The following PGPEP1L variants were observed in gnomAD, a reference collection of about 807,000 sequenced individuals.
PGPEP1L encodes the protein pyroglutamyl-peptidase I like.
Under a neutral mutation model 6.0 loss-of-function variants are expected in PGPEP1L, and 7 were observed. The ratio of observed to expected loss-of-function variants is 1.17; its 90% confidence interval spans 0.66 to 2.19. The LOEUF (loss-of-function observed/expected upper bound fraction) is 2.19, where lower values mean the gene tolerates loss of function less well. PGPEP1L is among the 30% of genes most tolerant of loss of function. PGPEP1L has a pLI of 0.00. For synonymous variants in PGPEP1L, 103 were observed against 83.9 expected (o/e 1.23, Z -1.24); for missense variants, 209 against 192.5 (o/e 1.09, Z -0.51).
chr15:98,998,698 C>A (rs1043639573), intron 2 of PGPEP1L, among the ~76,000 whole-genome samples: 2 of 152,162 alleles, frequency 1.3e-5, no homozygotes, highest in African/African-American at 2.4e-5. Flanking sequence ...GCAGAAGTAG[C>A]CTGGCATGGT....
chr15:98,986,643 C>A (rs1198234473), intron 2 of PGPEP1L, among the ~76,000 whole-genome samples: 1 of 152,134 alleles, frequency 6.6e-6, no homozygotes, highest in Non-Finnish European at 1.5e-5. Flanking sequence ...GCCATTTGGC[C>A]AGAAGTACAG....
intron 2 of PGPEP1L, among the ~76,000 whole-genome samples, chr15:98,976,212 G>T (rs531885247): frequency 1.3e-5 from 2 of 152,180 alleles, no homozygotes; most frequent in Non-Finnish European, 2.9e-5. Flanking sequence ...GGTTAAAATG[G>T]TAAATTTAAT....
chr15:98,982,980 G>T (rs1393525039), intron 2 of PGPEP1L, among the ~76,000 whole-genome samples: 1 of 151,836 alleles, frequency 6.6e-6, no homozygotes, highest in Non-Finnish European at 1.5e-5. Flanking sequence ...CAAAGTGCTG[G>T]GATTATAGGC....
At chr15:98,988,210 CCA>C (rs2017774225) in intron 2 of PGPEP1L, among the ~76,000 whole-genome samples, 1 of 152,142 alleles carries the variant, frequency 6.6e-6, no homozygotes, top group Non-Finnish European at 1.5e-5. Flanking sequence ...GGTCCCACTC[CCA>C]CAGAGCCCAA....
chr15:98,976,065 G>C (rs1367681230), intron 2 of PGPEP1L, among the ~76,000 whole-genome samples: 2 of 152,080 alleles, frequency 1.3e-5, no homozygotes. Context: ...GACGTTGGGG[G>C]AAGGAAGAAA....
chr15:98,971,140 G>A lies in PGPEP1L; in HGVS notation c.-123C>T. The A allele has an allele frequency of 6.4e-7, 1 of 1,573,232 alleles. No homozygotes were observed. Among genetic ancestry groups the A allele is most frequent in the Non-Finnish European group, 8.6e-7 (1 of 1,156,612 alleles). Reference sequence around the variant, plus strand: ...AGCTGCACCACTGTTTCATTCCCCAGGCCCAGCTTGGAGAGCTCCTGAGGA... The same window carrying A: ...AGCTGCACCACTGTTTCATTCCCCAAGCCCAGCTTGGAGAGCTCCTGAGGA... On this transcript the variant is annotated 5_prime_UTR_variant, in exon 3 of 5. Coordinates refer to ENST00000535714, the MANE Select transcript of PGPEP1L (RefSeq NM_001167902.2).
chr15:98,992,566 T>C (rs575701401), intron 2 of PGPEP1L, among the ~76,000 whole-genome samples: 43 of 152,316 alleles, frequency 2.8e-4, no homozygotes, highest in Middle Eastern at 3.4e-3. Context: ...CAAGCTACCA[T>C]TGACTTTCTT....
At chr15:99,003,923 T>C (rs1241691268) in intron 2 of PGPEP1L, among the ~76,000 whole-genome samples, 1 of 147,904 alleles carries the variant, frequency 6.8e-6, no homozygotes, top group African/African-American at 2.6e-5. Flanking sequence ...AGAACCAAAA[T>C]AACACAAATA....
rs2151752415 is a variant in PGPEP1L at position 98,968,370 on chromosome 15, C to T, written c.*108G>A. ...TTTGTTGGGCTAATTCAGAGTTTTCCACCCTCTTTGTCTTACAAGCAATTT... is the reference window on the plus strand; with the variant it reads ...TTTGTTGGGCTAATTCAGAGTTTTCTACCCTCTTTGTCTTACAAGCAATTT... On this transcript the variant is annotated 3_prime_UTR_variant, in exon 5 of 5. Transcript: ENST00000535714. 1 of 1,127,078 alleles carries T rather than the reference C, an allele frequency of 8.9e-7. No individual in the cohort carries two copies. The highest frequency in any genetic ancestry group is 1.3e-6 in the Non-Finnish European group (1 of 784,178). 69.8% of individuals were successfully genotyped at this position (1,127,078 alleles called of 1,614,324 possible).
intron 2 of PGPEP1L, among the ~76,000 whole-genome samples, chr15:98,988,826 C>T (rs2017783024): frequency 1.3e-5 from 2 of 152,312 alleles, no homozygotes; most frequent in African/African-American, 4.8e-5. Flanking sequence ...CCAGCAATAC[C>T]CAGACAAACA....
At chr15:98,983,429 C>T (rs528222324) in intron 2 of PGPEP1L, among the ~76,000 whole-genome samples, 3 of 152,282 alleles carry the variant, frequency 2.0e-5, no homozygotes, top group Non-Finnish European at 4.4e-5. Flanking sequence ...AGAGCCCTGA[C>T]CTCTTGGCTG....
intron 2 of PGPEP1L, among the ~76,000 whole-genome samples, chr15:98,989,758 C>T (rs1192765386): frequency 2.0e-5 from 3 of 152,130 alleles, no homozygotes; most frequent in Non-Finnish European, 4.4e-5. Flanking sequence ...ACAAAGGGAA[C>T]CCTATCAGAC....
At position 99,007,511 on chromosome 15, in the gene PGPEP1L, C is replaced by T. The variant is rs1321561186; in HGVS notation, c.-522G>A. ...TGATGCTCGCATGTGTTCGGAGTTT[C>T]TTCCTTCTGGCAGATTCGTGATCTC... On this transcript the variant is annotated 5_prime_UTR_variant, in exon 1 of 5. Coordinates refer to ENST00000535714, the MANE Select transcript of PGPEP1L (RefSeq NM_001167902.2). 1 of 152,268 alleles carries T rather than the reference C, an allele frequency of 6.6e-6. No homozygotes were observed. The highest frequency in any genetic ancestry group is 2.4e-5 in the African/African-American group (1 of 41,444). 9.4% of individuals were successfully genotyped at this position (152,268 alleles called of 1,614,324 possible). A position where few individuals can be genotyped will look rare whatever the true frequency, so the allele number is the denominator to read the frequency against.
intron 2 of PGPEP1L, among the ~76,000 whole-genome samples, chr15:98,986,092 C>T (rs138219616): frequency 1.2e-3 from 180 of 152,336 alleles, no homozygotes; most frequent in South Asian, 3.1e-3. Context: ...CATGTCCTCT[C>T]CCTAAACAGG....
chr15:98,968,425 T>G lies in PGPEP1L; in HGVS notation c.*53A>C. On this transcript the variant is annotated 3_prime_UTR_variant, in exon 5 of 5. Transcript: ENST00000535714. ...AAAAGTTTCTCAATGCACAGTTGAG[T>G]GCTACATACAGGATTGAAACATTCA... The G allele has an allele frequency of 1.3e-6, 2 of 1,548,500 alleles. No homozygotes were observed. The highest frequency in any genetic ancestry group is 2.3e-5 in the South Asian group (2 of 85,332).
At position 98,992,532 on chromosome 15, in the gene PGPEP1L, T is replaced by G. The variant is rs2017833446; in HGVS notation, c.-142+12897A>C. Among the ~76,000 whole-genome samples, 4 of 152,160 alleles carry G rather than the reference T, an allele frequency of 2.6e-5. No individual in the cohort carries two copies. In the South Asian group the frequency reaches 8.3e-4, roughly 32 times the overall value. On this transcript the variant is annotated intron_variant, in intron 2 of 4. Coordinates refer to ENST00000535714, the MANE Select transcript of PGPEP1L (RefSeq NM_001167902.2). ...AAATGGCCATACTGCCCAAAGTAAT[T>G]TATACATTCAATGCTATCCCCATCA...
Position 98,971,116 on chromosome 15 carries a change from G to C in PGPEP1L, c.-99C>G. On this transcript the variant is annotated 5_prime_UTR_variant, in exon 3 of 5. Transcript: ENST00000535714. ...TCTACAGGCAGCTCCAGAGTCCGCA[G>C]CTGCACCACTGTTTCATTCCCCAGG... The C allele has an allele frequency of 6.2e-7, 1 of 1,606,460 alleles. No homozygotes were observed. Among genetic ancestry groups the C allele is most frequent in the Non-Finnish European group, 8.5e-7 (1 of 1,175,890 alleles).
intron 2 of PGPEP1L, among the ~76,000 whole-genome samples, chr15:98,981,811 A>G (rs997203144): frequency 6.6e-6 from 1 of 152,186 alleles, no homozygotes; most frequent in Non-Finnish European, 1.5e-5. Flanking sequence ...GTACATATAA[A>G]CGTATTTTTA....
rs559086436 is a variant in PGPEP1L, at chr15:98,979,019, C to T, written c.-141-7861G>A. On this transcript the variant is annotated intron_variant, in intron 2 of 4. Transcript: ENST00000535714. ...CCGGGATTACAGGTGTGAGCCGCCG[C>T]GCCTGGCTACAGGATATATATATAT... 3.5e-4 allele frequency among the ~76,000 whole-genome samples: 45 copies of T among 129,554 alleles called. 1 individual carries two copies. The South Asian group carries it at 8.3e-3, about 24-fold the overall frequency. 85.0% of individuals were successfully genotyped at this position (129,554 alleles called of 152,430 possible).
Sources: allele counts gnomAD v4.1 joint callset (sites outside exome capture counted in the v4.1 genomes callset), GRCh38; gene constraint gnomAD v4.1.1; transcripts MANE v1.5; gene names NCBI Gene and HGNC (gene_info 2026-07-23, HGNC 2026-07-21).